PRMT2: variants seen among roughly 807,000 people sequenced by gnomAD.
PRMT2 encodes the protein protein arginine methyltransferase 2, also known as protein arginine N-methyltransferase 2.
In PRMT2, 26 loss-of-function variants were observed where a neutral mutation model predicts 57.6. The observed-to-expected ratio is 0.45, with a 90% CI of 0.33 to 0.63. The LOEUF is 0.63. Ranked by LOEUF, PRMT2 falls within the 20% of genes least tolerant of loss-of-function variation. The probability of loss-of-function intolerance (pLI) is 0.02; values close to 1 mark genes in which losing one functional copy is unlikely to be tolerated. For synonymous variants in PRMT2, 219 were observed against 220.0 expected (o/e 1.00, Z 0.04); for missense variants, 472 against 564.4 (o/e 0.84, Z 1.66).
chr21:46,652,653 A>G (rs2061477773), intron 7 of PRMT2: 6 of 985,270 alleles, frequency 6.1e-6, no homozygotes, highest in South Asian at 4.7e-5. Flanking sequence ...TAAATTGGTA[A>G]AGCCTTTTGA....
chr21:46,661,953 C>T lies in PRMT2; in HGVS notation c.1097+17C>T, dbSNP rs2061631723. 3.5e-5 allele frequency: 10 copies of T among 288,484 alleles called. No homozygotes were observed. The highest frequency in any genetic ancestry group is 5.1e-5 in the Non-Finnish European group (10 of 197,112). The allele number at this position is 288,484 out of a possible 1,614,324, so 17.9% of individuals were successfully genotyped here. ...CTTCCACCCGTGAGTGTGCGGGGCG[C>T]GGGCACGGGGTGCGGGGTGGGGGGC... On this transcript the variant is annotated intron_variant, in intron 10 of 11. Transcript: ENST00000355680.
At chr21:46,651,691 A>T in intron 7 of PRMT2, 1 of 1,200,716 alleles carries the variant, frequency 8.3e-7, no homozygotes, top group Non-Finnish European at 1.2e-6. Flanking sequence ...CGGGGCTGCA[A>T]GAGTTCCTAT....
intron 10 of PRMT2, among the ~76,000 whole-genome samples, 180 bp downstream of exon 10, chr21:46,662,116 C>T (rs2061637900): frequency 6.6e-6 from 1 of 151,584 alleles, no homozygotes; most frequent in African/African-American, 2.4e-5. Context: ...GTGGTGTAGA[C>T]ACCGCAGCCT....
chr21:46,646,765 G>A lies in PRMT2; in HGVS notation c.328-1693G>A, dbSNP rs534767397. On this transcript the variant is annotated intron_variant, in intron 5 of 11. Coordinates refer to ENST00000355680, the MANE Select transcript of PRMT2 (RefSeq NM_206962.4). The stretch of plus-strand genomic sequence containing the variant: ...CATGTGGTTTCCTTAAGTGGATCTT[G>A]CCAGTTCGCCCTCCAGAAAGATTTG... 7.9e-5 allele frequency among the ~76,000 whole-genome samples: 12 copies of A among 152,264 alleles called. No individual in the cohort carries two copies. In the South Asian group the frequency reaches 2.5e-3, roughly 32 times the overall value.
chr21:46,657,813 TA>T lies in PRMT2; in HGVS notation c.655-930del, dbSNP rs561856129. On this transcript the variant is annotated intron_variant, in intron 7 of 11. Transcript: ENST00000355680. ...CTGTTTCACTACATAACTGAAAAAATAAGATTGAAAAATAAGATGTATATAT... is the reference window on the plus strand; with the variant it reads ...CTGTTTCACTACATAACTGAAAAAATAGATTGAAAAATAAGATGTATATAT... The T allele has an allele frequency of 4.1e-3, 617 of 152,130 alleles. 2 individuals carry two copies. Among genetic ancestry groups the T allele is most frequent in the African/African-American group, 0.014 (584 of 41,496 alleles). The allele number at this position is 152,130 out of a possible 1,614,324, so 9.4% of individuals were successfully genotyped here. A position where few individuals can be genotyped will look rare whatever the true frequency, so the allele number is the denominator to read the frequency against.
rs546838649 is a variant in PRMT2, at chr21:46,658,959, G to A, written c.830+39G>A. On this transcript the variant is annotated intron_variant, in intron 8 of 11. Transcript: ENST00000355680. The stretch of plus-strand genomic sequence containing the variant: ...GCTGGGACTGGCACCGTCTTGTGGG[G>A]CCTCCTGGTCCACAGTCTGCAGGTG... 2.3e-5 allele frequency: 36 copies of A among 1,590,518 alleles called. 2 individuals are homozygous for A. The Admixed American group carries it at 5.8e-4, about 26-fold the overall frequency.
chr21:46,646,859 C>A (rs1398311521), intron 5 of PRMT2, among the ~76,000 whole-genome samples: 1 of 152,168 alleles, frequency 6.6e-6, no homozygotes, highest in African/African-American at 2.4e-5. Flanking sequence ...TTATGAAGAA[C>A]AAAGCTTTGT....
At chr21:46,652,363 A>G (rs1360211992) in intron 7 of PRMT2, 1 of 1,102,906 alleles carries the variant, frequency 9.1e-7, no homozygotes, top group Non-Finnish European at 1.1e-6. Flanking sequence ...TAAATGGTAA[A>G]TGCAACTAAA....
At chr21:46,637,641 A>C (rs2061197224) in intron 3 of PRMT2, among the ~76,000 whole-genome samples, 1 of 152,116 alleles carries the variant, frequency 6.6e-6, no homozygotes, top group African/African-American at 2.4e-5. Context: ...AAAATGTTTT[A>C]ATTCCGTGGA....
intron 11 of PRMT2, 43 bp downstream of exon 11, chr21:46,663,597 C>A: frequency 6.3e-7 from 1 of 1,591,574 alleles, no homozygotes; most frequent in Non-Finnish European, 8.6e-7. Flanking sequence ...GGGTGCCGGT[C>A]CTCAGGGAGA....
At chr21:46,653,955 G>A (rs977209083) in intron 7 of PRMT2, 122 of 1,003,846 alleles carry the variant, frequency 1.2e-4, no homozygotes, top group Non-Finnish European at 1.3e-4. Context: ...TTTTTTTGGC[G>A]TGGAGCATTT....
chr21:46,653,348 A>T (rs1055192323), intron 7 of PRMT2: 2 of 985,326 alleles, frequency 2.0e-6, no homozygotes, highest in Non-Finnish European at 2.4e-6. Context: ...TACCAATAAC[A>T]CTTCAGACTT....
rs565391515 is a variant in PRMT2 at position 46,660,909 on chromosome 21, C to T, written c.907C>T (p.Pro303Ser). The change falls in exon 9 of 12, where the codon CCG (proline) becomes TCG (serine). Residue 303 changes from proline to serine, a missense_variant. By Grantham distance (74) the Pro-to-Ser change is moderately conservative (BLOSUM62 -1). Coordinates refer to ENST00000355680, the MANE Select transcript of PRMT2 (RefSeq NM_206962.4). ...ILKPEDCLSE[P>S]CTILQLDMRT... The stretch of plus-strand genomic sequence containing the variant: ...GAAACCAGAAGACTGTCTCTCTGAA[C>T]CGTGCACTATATTGCAGTTGGACAT... The T allele has an allele frequency of 3.7e-5, 59 of 1,613,418 alleles. No homozygotes were observed. In the South Asian group the frequency reaches 6.0e-4, roughly 17 times the overall value.
chr21:46,643,519 C>T lies in PRMT2; in HGVS notation c.40-16C>T. 6.6e-7 allele frequency: 1 copy of T among 1,520,046 alleles called. No homozygotes were observed. Among genetic ancestry groups the T allele is most frequent in the East Asian group, 2.4e-5 (1 of 41,078 alleles). 94.2% of individuals were successfully genotyped at this position (1,520,046 alleles called of 1,614,324 possible). A position where few individuals can be genotyped will look rare whatever the true frequency, so the allele number is the denominator to read the frequency against. On this transcript the variant is annotated splice_polypyrimidine_tract_variant and intron_variant, in intron 3 of 11. Transcript: ENST00000355680. The stretch of plus-strand genomic sequence containing the variant: ...CTCCAGCGTCCTCTCCTCACGCTTT[C>T]CTTGGCTTTGAGCAGGGAGAAGAGC...
intron 7 of PRMT2, among the ~76,000 whole-genome samples, chr21:46,650,067 G>A (rs999387778): frequency 2.0e-5 from 3 of 152,132 alleles, no homozygotes; most frequent in East Asian, 3.9e-4. Flanking sequence ...TAGGGCCTTC[G>A]TCCCTGGCCA....
At chr21:46,639,230 T>C (rs1376051314) in intron 3 of PRMT2, among the ~76,000 whole-genome samples, 1 of 152,218 alleles carries the variant, frequency 6.6e-6, no homozygotes, top group African/African-American at 2.4e-5. Context: ...TTTCAGTCTT[T>C]TGAAATTTAT....
In PRMT2 at chr21:46,644,560, G is replaced by T. The variant is rs571088719; in HGVS notation, c.327+72G>T. The T allele has an allele frequency of 4.8e-4, 683 of 1,433,470 alleles. 5 individuals are homozygous for T. Among genetic ancestry groups the T allele is most frequent in the Non-Finnish European group, 5.1e-4 (548 of 1,065,290 alleles). 88.8% of individuals were successfully genotyped at this position (1,433,470 alleles called of 1,614,324 possible). A position where few individuals can be genotyped will look rare whatever the true frequency, so the allele number is the denominator to read the frequency against. On this transcript the variant is annotated intron_variant, in intron 5 of 11. Transcript: ENST00000355680. The stretch of plus-strand genomic sequence containing the variant: ...TCTCTAGCTTTAGTTCTACTGCAAC[G>T]TTCAGAGCAGGCCCATAGTCTTACA...
intron 3 of PRMT2, among the ~76,000 whole-genome samples, chr21:46,638,055 G>A (rs770832762): frequency 1.3e-5 from 2 of 152,156 alleles, no homozygotes; most frequent in Non-Finnish European, 2.9e-5. Context: ...AAACACTACT[G>A]TGAATCATGA....
intron 3 of PRMT2, among the ~76,000 whole-genome samples, chr21:46,637,967 A>C (rs1569147524): frequency 6.6e-6 from 1 of 152,166 alleles, no homozygotes; most frequent in Admixed American, 6.5e-5. Context: ...TTCATCTCTT[A>C]AAAAAGAAAA....
Sources: gnomAD v4.1 joint callset for allele counts (sites outside exome capture counted in the v4.1 genomes callset) on GRCh38, gnomAD v4.1.1 for gene constraint, MANE v1.5 for transcripts, NCBI Gene and HGNC (gene_info 2026-07-23, HGNC 2026-07-21) for gene names.